The following ESRRG variants were observed in gnomAD, a reference collection of about 807,000 sequenced individuals.
The protein encoded by ESRRG is estrogen related receptor gamma.
A neutral mutation model predicts 44.0 loss-of-function variants in ESRRG; 13 were observed. The ratio of observed to expected loss-of-function variants is 0.30; its 90% CI spans 0.19 to 0.47. The LOEUF (loss-of-function observed/expected upper bound fraction) is 0.47, where lower values mean the gene tolerates loss of function less well. Among genes scored for constraint, ESRRG ranks in the 20% least tolerant of loss-of-function variants. ESRRG has a pLI of 1.00. For missense variants in ESRRG, 395 were observed against 580.6 expected (o/e 0.68, Z 3.29); for synonymous variants, 215 against 214.6 (o/e 1.00, Z -0.02).
chr1:216,543,291 C>T (rs1407045496), intron 5 of ESRRG, among the ~76,000 whole-genome samples: 1 of 151,932 alleles, frequency 6.6e-6, no homozygotes, highest in Non-Finnish European at 1.5e-5. Context: ...ATTTTGTATT[C>T]ATCAGGTATT....
At chr1:216,879,695 A>G (rs17044239) in intron 2 of ESRRG, among the ~76,000 whole-genome samples, 18,314 of 152,132 alleles carry the variant, frequency 0.12, 1,433 homozygotes, top group African/African-American at 0.19. Context: ...GAGCAATAAA[A>G]TGGCTACCTT....
At chr1:217,104,221 C>T (rs1186241228) in intron 1 of ESRRG, among the ~76,000 whole-genome samples, 5 of 152,182 alleles carry the variant, frequency 3.3e-5, no homozygotes, top group African/African-American at 1.2e-4. Context: ...CTTGTAGCCC[C>T]TGTGAACAGC....
chr1:216,906,022 A>G (rs1053676043), intron 2 of ESRRG, among the ~76,000 whole-genome samples: 3 of 152,360 alleles, frequency 2.0e-5, no homozygotes, highest in Admixed American at 2.0e-4. Context: ...AAGTGCTGGG[A>G]TTACAGGCAT....
rs1342825566 is a variant in ESRRG at position 217,129,039 on chromosome 1, G to A, written c.-230+8628C>T. 2.0e-5 allele frequency among the ~76,000 whole-genome samples: 3 copies of A among 151,728 alleles called. No homozygotes were observed. The East Asian group carries it at 5.8e-4, about 29-fold the overall frequency. ...TGAATAACAGAGCACTATCAACAAA[G>A]TGTTAAAAAAACCCACAGAATAAGA... is the stretch of plus-strand genomic sequence containing the variant. On this transcript the variant is annotated intron_variant, in intron 1 of 8. Coordinates refer to the ESRRG transcript ENST00000366940.
At chr1:217,099,743 A>G (rs2092479910) in intron 1 of ESRRG, among the ~76,000 whole-genome samples, 1 of 152,188 alleles carries the variant, frequency 6.6e-6, no homozygotes, top group Non-Finnish European at 1.5e-5. Flanking sequence ...TCCTCCCCAC[A>G]ATTGTACAAG....
At position 217,110,825 on chromosome 1, in the gene ESRRG, C is replaced by T. The variant is rs12091466; in HGVS notation, c.-230+26842G>A. On this transcript the variant is annotated intron_variant, in intron 1 of 8. Coordinates refer to the ESRRG transcript ENST00000366940. ...GGACAAATATTGAAACTATATTGCT[C>T]GATATCATCCTCCCAACCTGGCTTA... Among the ~76,000 whole-genome samples, 768 of 152,208 alleles carry T rather than the reference C, an allele frequency of 5.0e-3. 5 individuals are homozygous for T. The highest frequency in any genetic ancestry group is 0.018 in the African/African-American group (729 of 41,540).
At chr1:216,927,207 T>C (rs568477004) in intron 2 of ESRRG, among the ~76,000 whole-genome samples, 1 of 152,202 alleles carries the variant, frequency 6.6e-6, no homozygotes, top group Non-Finnish European at 1.5e-5. Flanking sequence ...ATATACACTC[T>C]TCAAAGGCTC....
chr1:216,910,225 C>T (rs1290323677), intron 2 of ESRRG, among the ~76,000 whole-genome samples: 2 of 151,750 alleles, frequency 1.3e-5, no homozygotes, highest in Non-Finnish European at 2.9e-5. Context: ...CACACACACA[C>T]ACAAACAGGC....
chr1:216,905,146 A>G (rs1391870349), intron 2 of ESRRG, among the ~76,000 whole-genome samples: 2 of 152,076 alleles, frequency 1.3e-5, no homozygotes, highest in Non-Finnish European at 2.9e-5. Context: ...CTTTCAACAC[A>G]CTGTCTGTAA....
chr1:216,989,648 A>G (rs911206186), intron 1 of ESRRG, among the ~76,000 whole-genome samples: 1 of 152,126 alleles, frequency 6.6e-6, no homozygotes, highest in Non-Finnish European at 1.5e-5. Flanking sequence ...ATTCTGATAC[A>G]TACTTATTAT....
intron 1 of ESRRG, among the ~76,000 whole-genome samples, chr1:217,022,171 A>G (rs972531168): frequency 3.3e-5 from 5 of 152,232 alleles, no homozygotes; most frequent in African/African-American, 1.2e-4. Flanking sequence ...TGCCAAAGCC[A>G]TTCAGCCAAA....
chr1:216,852,226 T>C (rs2148993086), intron 2 of ESRRG, among the ~76,000 whole-genome samples: 1 of 152,324 alleles, frequency 6.6e-6, no homozygotes, highest in Admixed American at 6.5e-5. Context: ...AGATTAGTGA[T>C]AAAGGTTGGC....
chr1:216,832,662 C>T (rs1432171526), intron 2 of ESRRG, among the ~76,000 whole-genome samples: 1 of 152,116 alleles, frequency 6.6e-6, no homozygotes, highest in Non-Finnish European at 1.5e-5. Context: ...TCCCTCTACT[C>T]TTTTTAAAAT....
intron 3 of ESRRG, among the ~76,000 whole-genome samples, chr1:216,638,275 T>A (rs778437745): frequency 6.6e-6 from 1 of 152,212 alleles, no homozygotes; most frequent in Non-Finnish European, 1.5e-5. Flanking sequence ...TATGTATAAT[T>A]ACAATCTCCA....
In ESRRG at chr1:216,897,718, G is replaced by A. The variant is rs2058585381; in HGVS notation, c.-14+41864C>T. Reference sequence around the variant, plus strand: ...GTGGTGTTCTAACTGTCATGGTAGGGTTCAATTGCCTCAGTTCAATTTTAG... The same window carrying A: ...GTGGTGTTCTAACTGTCATGGTAGGATTCAATTGCCTCAGTTCAATTTTAG... On this transcript the variant is annotated intron_variant, in intron 2 of 7. Coordinates refer to the ESRRG transcript ENST00000359162. 2.6e-5 allele frequency among the ~76,000 whole-genome samples: 4 copies of A among 152,120 alleles called. No individual in the cohort carries two copies. In the South Asian group the frequency reaches 6.2e-4, roughly 24 times the overall value.
chr1:216,640,334 C>T (rs960414319), intron 3 of ESRRG, among the ~76,000 whole-genome samples: 5 of 152,032 alleles, frequency 3.3e-5, no homozygotes, highest in Admixed American at 1.3e-4. Context: ...TTGGGGAAGC[C>T]GCTGACCTAC....
intron 2 of ESRRG, among the ~76,000 whole-genome samples, chr1:216,806,078 A>G (rs1190728730): frequency 1.3e-5 from 2 of 152,208 alleles, no homozygotes; most frequent in Non-Finnish European, 2.9e-5. Context: ...GTTAACATCC[A>G]GCCTCCTGCA....
intron 6 of ESRRG, among the ~76,000 whole-genome samples, chr1:216,515,393 A>G (rs1176217944): frequency 6.6e-6 from 1 of 152,122 alleles, no homozygotes; most frequent in Non-Finnish European, 1.5e-5. Context: ...GATAATGAAA[A>G]CACACTAAGT....
intron 3 of ESRRG, among the ~76,000 whole-genome samples, chr1:216,614,901 A>G (rs1431134856): frequency 2.6e-5 from 4 of 152,206 alleles, no homozygotes; most frequent in Non-Finnish European, 1.5e-5. Flanking sequence ...AATACTGACT[A>G]TGGGAAATAA....
Sources: gnomAD v4.1 joint callset for allele counts (sites outside exome capture counted in the v4.1 genomes callset) on GRCh38, gnomAD v4.1.1 for gene constraint, MANE v1.5 for transcripts, NCBI Gene and HGNC (gene_info 2026-07-23, HGNC 2026-07-21) for gene names.